Variants in RAB6B observed in about 807,000 individuals in gnomAD.
RAB6B encodes ras-related protein Rab-6B.
In RAB6B, 7 loss-of-function variants were observed where a neutral mutation model predicts 31.2. That is an observed-to-expected ratio of 0.22 (90% CI 0.13 to 0.42). RAB6B has a LOEUF of 0.42. Among genes scored for constraint, RAB6B ranks in the 10% least tolerant of loss-of-function variants. RAB6B has a pLI of 1.00. For synonymous variants in RAB6B, 105 were observed against 104.9 expected (o/e 1.00, Z -0.01); for missense variants, 149 against 280.6 (o/e 0.53, Z 3.35).
intron 2 of RAB6B, 68 bp from the exon 3 acceptor site, chr3:133,841,731 C>G (rs1935836025): frequency 6.5e-7 from 1 of 1,535,834 alleles, no homozygotes; most frequent in African/African-American, 1.4e-5. Context: ...AGCCTAGCGA[C>G]CACAGGTGGT....
intron 2 of RAB6B, among the ~76,000 whole-genome samples, chr3:133,857,470 TC>T: frequency 1.3e-5 from 2 of 149,190 alleles, no homozygotes; most frequent in Non-Finnish European, 3.0e-5. Flanking sequence ...TAGGGGACAT[TC>T]TGAATCCTCC....
At chr3:133,893,978 C>A (rs1936671725) in intron 1 of RAB6B, among the ~76,000 whole-genome samples, 1 of 152,266 alleles carries the variant, frequency 6.6e-6, no homozygotes, top group African/African-American at 2.4e-5. Flanking sequence ...CCAAACCCAT[C>A]TCCATACTGG....
At chr3:133,849,005 C>T (rs1935942754) in intron 2 of RAB6B, among the ~76,000 whole-genome samples, 1 of 152,168 alleles carries the variant, frequency 6.6e-6, no homozygotes, top group Admixed American at 6.5e-5. Context: ...CCTCCTTGAC[C>T]AGCCTCCACT....
intron 1 of RAB6B, among the ~76,000 whole-genome samples, chr3:133,891,230 C>T (rs1353397046): frequency 6.6e-6 from 1 of 152,168 alleles, no homozygotes; most frequent in African/African-American, 2.4e-5. Context: ...GAGGAATGGG[C>T]TGAAAGTACA....
At chr3:133,848,300 G>A (rs1448108011) in intron 2 of RAB6B, among the ~76,000 whole-genome samples, 1 of 152,114 alleles carries the variant, frequency 6.6e-6, no homozygotes, top group Non-Finnish European at 1.5e-5. Context: ...CTGGTTGCTT[G>A]GCCTCCTAAG....
At chr3:133,839,269 C>A (rs1314892418) in intron 5 of RAB6B, among the ~76,000 whole-genome samples, 1 of 152,238 alleles carries the variant, frequency 6.6e-6, no homozygotes, top group African/African-American at 2.4e-5. Context: ...GTGTAGACAG[C>A]AAACGGAGAA....
At chr3:133,885,814 A>C in intron 1 of RAB6B, 1 of 589,872 alleles carries the variant, frequency 1.7e-6, no homozygotes, top group Non-Finnish European at 3.0e-6. Context: ...AATCAAGAAA[A>C]TATACATCTG....
rs1157785619 is a variant in RAB6B, at chr3:133,828,699, C to T, written c.*89G>A. 9.0e-7 allele frequency: 1 copy of T among 1,112,830 alleles called. No homozygotes were observed. Among genetic ancestry groups the T allele is most frequent in the Non-Finnish European group, 1.3e-6 (1 of 797,456 alleles). The allele number at this position is 1,112,830 out of a possible 1,614,324, so 68.9% of individuals were successfully genotyped here. On this transcript the variant is annotated 3_prime_UTR_variant, in exon 8 of 8. Transcript: ENST00000285208. ...AAGAAAAATCCTCCCATCTTGATAACTCGGTTCCCTCCCCCCTTAGGAAGC... is the reference window on the plus strand; with the variant it reads ...AAGAAAAATCCTCCCATCTTGATAATTCGGTTCCCTCCCCCCTTAGGAAGC...
chr3:133,835,181 C>T (rs1375847166), intron 6 of RAB6B, among the ~76,000 whole-genome samples: 6 of 152,142 alleles, frequency 3.9e-5, no homozygotes, highest in African/African-American at 1.2e-4. Flanking sequence ...GGAGTGTGAA[C>T]ACAATTTTGT....
chr3:133,888,389 G>A (rs1936584246), intron 1 of RAB6B, among the ~76,000 whole-genome samples: 2 of 152,246 alleles, frequency 1.3e-5, no homozygotes, highest in African/African-American at 4.8e-5. Context: ...ACTCATGTGA[G>A]GAAGGACACA....
intron 1 of RAB6B, among the ~76,000 whole-genome samples, chr3:133,877,411 C>G (rs1326526954): frequency 6.6e-6 from 1 of 152,342 alleles, no homozygotes; most frequent in South Asian, 2.1e-4. Context: ...TCTTGCCCAG[C>G]AGCCAGAGTG....
intron 1 of RAB6B, among the ~76,000 whole-genome samples, chr3:133,889,420 ATATATATATATATATATATATATATT>A (rs1936602570): frequency 3.3e-5 from 2 of 59,994 alleles, no homozygotes; most frequent in Admixed American, 1.6e-4. Context: ...ATATATATAT[ATATATATATATATATATATATATATT>A]TATTTTGGGA....
Position 133,895,554 on chromosome 3 carries a change from G to C in RAB6B, c.-88C>G, listed in dbSNP as rs1450432953. 7.3e-7 allele frequency: 1 copy of C among 1,377,936 alleles called. No individual in the cohort carries two copies. The highest frequency in any genetic ancestry group is 1.0e-6 in the Non-Finnish European group (1 of 984,922). The allele number at this position is 1,377,936 out of a possible 1,614,324, so 85.4% of individuals were successfully genotyped here. ...AGTAGGAGGGCGAGGGGAGGCGGCCGGCGGTGCGGGAGCCGGAGGGGGAAG... is the reference window on the plus strand; with the variant it reads ...AGTAGGAGGGCGAGGGGAGGCGGCCCGCGGTGCGGGAGCCGGAGGGGGAAG... On this transcript the variant is annotated 5_prime_UTR_variant, in exon 1 of 8. Transcript: ENST00000285208.
intron 1 of RAB6B, among the ~76,000 whole-genome samples, chr3:133,867,623 C>T (rs1456584376): frequency 3.9e-5 from 6 of 152,292 alleles, no homozygotes; most frequent in Middle Eastern, 6.8e-3. Flanking sequence ...ACTGCTGTGG[C>T]GCTCCAGGGA....
chr3:133,858,573 C>T (rs1199566359), intron 2 of RAB6B, among the ~76,000 whole-genome samples: 6 of 152,174 alleles, frequency 3.9e-5, no homozygotes, highest in African/African-American at 1.4e-4. Context: ...TGTCAATGTC[C>T]TCATCTCCTC....
Position 133,828,136 on chromosome 3 carries a change from G to C in RAB6B, c.*652C>G. On this transcript the variant is annotated 3_prime_UTR_variant, in exon 8 of 8. Transcript: ENST00000285208. ...CTGGGGGCTGCTGCCGGGCTGCCTA[G>C]AGCCCACAGACCTTGGTCTCAGCTC... The C allele has an allele frequency of 1.6e-6, 1 of 619,876 alleles. No individual in the cohort carries two copies. The highest frequency in any genetic ancestry group is 2.5e-5 in the Admixed American group (1 of 40,600). The allele number at this position is 619,876 out of a possible 1,614,324, so 38.4% of individuals were successfully genotyped here. A position where few individuals can be genotyped will look rare whatever the true frequency, so the allele number is the denominator to read the frequency against.
intron 6 of RAB6B, among the ~76,000 whole-genome samples, chr3:133,837,532 G>T (rs1275676326): frequency 6.6e-6 from 1 of 152,212 alleles, no homozygotes; most frequent in Admixed American, 6.5e-5. Flanking sequence ...GGACAAATCA[G>T]ACGTCCTTCA....
At chr3:133,873,636 G>A (rs902253938) in intron 1 of RAB6B, among the ~76,000 whole-genome samples, 4 of 152,062 alleles carry the variant, frequency 2.6e-5, no homozygotes, top group African/African-American at 9.7e-5. Context: ...CTACCCCAAG[G>A]TTTACTGAGG....
intron 1 of RAB6B, among the ~76,000 whole-genome samples, chr3:133,893,360 C>T (rs1157398598): frequency 6.6e-6 from 1 of 152,226 alleles, no homozygotes; most frequent in Admixed American, 6.5e-5. Flanking sequence ...GGCAAGGCCT[C>T]CCTGTTCCCT....
Sources: gnomAD v4.1 joint callset for allele counts (sites outside exome capture counted in the v4.1 genomes callset) on GRCh38, gnomAD v4.1.1 for gene constraint, MANE v1.5 for transcripts, NCBI Gene and HGNC (gene_info 2026-07-23, HGNC 2026-07-21) for gene names.